Variants in AVEN observed in about 807,000 individuals in gnomAD.
AVEN encodes cell death regulator Aven.
In AVEN, 41 loss-of-function variants were observed where a neutral mutation model predicts 38.1. The observed-to-expected ratio is 1.08, with a 90% CI of 0.84 to 1.40. AVEN has a LOEUF of 1.40. Ranked by LOEUF, AVEN falls within the 40% of genes most tolerant of loss-of-function variation. AVEN has a pLI of 0.00. For synonymous variants in AVEN, 206 were observed against 171.8 expected (o/e 1.20, Z -1.56); for missense variants, 605 against 438.8 (o/e 1.38, Z -3.38).
chr15:33,857,386 A>T (rs1310640927), downstream of AVEN, among the ~76,000 whole-genome samples: 1 of 150,760 alleles, frequency 6.6e-6, no homozygotes, highest in Non-Finnish European at 1.5e-5. Context: ...TTTTCTTCTA[A>T]GGATGCCGGT....
intron 2 of AVEN, among the ~76,000 whole-genome samples, chr15:33,909,423 A>G (rs1892836490): frequency 6.6e-6 from 1 of 152,210 alleles, no homozygotes; most frequent in Non-Finnish European, 1.5e-5. Flanking sequence ...AAATGTACCA[A>G]CAGTGACATG....
chr15:33,868,261 T>C (rs915360386), intron 4 of AVEN, among the ~76,000 whole-genome samples: 4 of 152,120 alleles, frequency 2.6e-5, no homozygotes, highest in Non-Finnish European at 5.9e-5. Context: ...CAGTGGCTCA[T>C]GCCTGTAATC....
intron 4 of AVEN, among the ~76,000 whole-genome samples, chr15:33,870,075 T>A (rs1890871467): frequency 6.6e-6 from 1 of 152,148 alleles, no homozygotes; most frequent in Non-Finnish European, 1.5e-5. Context: ...AGTTGCACAA[T>A]CTACAAAGTC....
intron 2 of AVEN, among the ~76,000 whole-genome samples, chr15:33,945,679 G>A (rs947969797): frequency 2.0e-5 from 3 of 152,036 alleles, no homozygotes; most frequent in Non-Finnish European, 2.9e-5. Flanking sequence ...TCCACCTCCC[G>A]AGTTCAAGCG....
chr15:33,921,685 T>C (rs922288385), intron 2 of AVEN, among the ~76,000 whole-genome samples: 7 of 152,220 alleles, frequency 4.6e-5, no homozygotes, highest in Non-Finnish European at 7.3e-5. Context: ...TCATGAGGGT[T>C]TGAGCATCAG....
downstream of AVEN, chr15:33,854,644 C>G (rs1567331773): frequency 1.5e-6 from 2 of 1,306,080 alleles, no homozygotes; most frequent in East Asian, 2.3e-5. Flanking sequence ...GGCCAGCTCA[C>G]AGCACCTCAG....
At chr15:33,864,214 C>A (rs59611174), downstream of AVEN, 2 of 1,573,202 alleles carry the variant, frequency 1.3e-6, no homozygotes, top group African/African-American at 1.4e-5. Flanking sequence ...ATCATATACC[C>A]GTGTTAGATC....
At chr15:33,990,203 CA>C (rs974521627) in intron 2 of AVEN, among the ~76,000 whole-genome samples, 2 of 140,144 alleles carry the variant, frequency 1.4e-5, no homozygotes, top group African/African-American at 5.4e-5. Context: ...GACTCCGTCT[CA>C]AAAAAAAACA....
At position 34,063,383 on chromosome 15, in the gene AVEN, G is replaced by A. The variant is rs150785744; in HGVS notation, n.1176C>T. The A allele has an allele frequency of 4.7e-4, 761 of 1,614,084 alleles. No homozygotes were observed. The highest frequency in any genetic ancestry group is 6.1e-4 in the Non-Finnish European group (720 of 1,180,042). On this transcript the variant is annotated non_coding_transcript_exon_variant, in exon 5 of 12. Transcript: ENST00000675287. The surrounding 1 kb of genome is among the most constrained non-coding windows in gnomAD (Gnocchi z 4.1). ...GTCGAATCTACCGGGAAACAGAGAA[G>A]CGAACCAAGGACCTGGCTGACCTCC...
intron 5 of AVEN, among the ~76,000 whole-genome samples, chr15:34,049,605 A>G (rs1461226967): frequency 1.3e-5 from 2 of 152,228 alleles, no homozygotes; most frequent in Non-Finnish European, 2.9e-5. Flanking sequence ...GTTGGAAAAC[A>G]TACTTCAGGA....
At chr15:33,857,919 G>GAGCCCACCCACTGCGGGGCC (rs139758855), downstream of AVEN, 144 of 1,613,326 alleles carry the variant, frequency 8.9e-5, no homozygotes, top group Middle Eastern at 5.0e-4. Context: ...ATGACGGTGA[G>GAGCCCACCCACTGCGGGGCC]AGCCCACCCA....
chr15:33,961,759 G>A (rs1208092423), intron 2 of AVEN, among the ~76,000 whole-genome samples: 1 of 139,056 alleles, frequency 7.2e-6, no homozygotes, highest in Non-Finnish European at 1.5e-5. Flanking sequence ...CTTGCAGTGA[G>A]CCGAGATCGC....
chr15:33,914,812 A>C (rs1044560262), intron 2 of AVEN, among the ~76,000 whole-genome samples: 1 of 152,028 alleles, frequency 6.6e-6, no homozygotes, highest in Non-Finnish European at 1.5e-5. Context: ...CATGTAGTTC[A>C]TATCAGTATA....
intron 2 of AVEN, among the ~76,000 whole-genome samples, chr15:33,894,381 G>C (rs1006273134): frequency 6.6e-6 from 1 of 151,946 alleles, no homozygotes; most frequent in Admixed American, 6.6e-5. Context: ...GGCACTGACA[G>C]GCCTTCATTA....
At chr15:34,007,693 G>A (rs1056604451) in intron 1 of AVEN, among the ~76,000 whole-genome samples, 4 of 152,174 alleles carry the variant, frequency 2.6e-5, no homozygotes, top group Non-Finnish European at 4.4e-5. Context: ...TCCTACAGCT[G>A]CCATAACAAA....
At position 33,934,167 on chromosome 15, in the gene AVEN, A is replaced by C. The variant is rs1229326174; in HGVS notation, c.446-58172T>G. On this transcript the variant is annotated intron_variant, in intron 2 of 5. Coordinates refer to ENST00000306730, the MANE Select transcript of AVEN (RefSeq NM_020371.3). ...GGCAGGAGGATGGCTTGAAGCCAGG[A>C]GTTCAAGACCAGCCTAGGCAACATA... Among the ~76,000 whole-genome samples, 3 of 151,668 alleles carry C rather than the reference A, an allele frequency of 2.0e-5. No individual in the cohort carries two copies. In the East Asian group the frequency reaches 5.8e-4, roughly 29 times the overall value.
intron 2 of AVEN, among the ~76,000 whole-genome samples, chr15:33,876,948 T>C (rs970737274): frequency 6.6e-5 from 10 of 152,156 alleles, no homozygotes; most frequent in Non-Finnish European, 2.9e-5. Flanking sequence ...CACATGACTT[T>C]TTGATCAGAA....
At chr15:33,983,771 G>A (rs1486123674) in intron 2 of AVEN, among the ~76,000 whole-genome samples, 1 of 152,044 alleles carries the variant, frequency 6.6e-6, no homozygotes, top group Non-Finnish European at 1.5e-5. Flanking sequence ...AAACCTGACG[G>A]AGGTTTCTAA....
intron 2 of AVEN, among the ~76,000 whole-genome samples, chr15:33,997,343 C>T (rs1230387668): frequency 6.6e-6 from 1 of 151,844 alleles, no homozygotes; most frequent in Non-Finnish European, 1.5e-5. Flanking sequence ...ACAAAATAGC[C>T]AAATGGTCAA....
Sources: gnomAD v4.1 joint callset for allele counts (sites outside exome capture counted in the v4.1 genomes callset) on GRCh38, gnomAD v4.1.1 for gene constraint, Gnocchi (gnomAD v3.1) non-coding constraint, MANE v1.5 for transcripts, NCBI Gene and HGNC (gene_info 2026-07-23, HGNC 2026-07-21) for gene names.